Variants in TBC1D19 observed in about 807,000 individuals in gnomAD.
TBC1D19 encodes TBC1 domain family member 19.
Under a neutral mutation model 89.0 loss-of-function variants are expected in TBC1D19, and 60 were observed. The ratio of observed to expected loss-of-function variants is 0.67; its 90% confidence interval spans 0.55 to 0.84. The LOEUF is 0.84. Among genes scored for constraint, TBC1D19 ranks in the 40% least tolerant of loss-of-function variants. The pLI is 0.00. For missense variants in TBC1D19, 500 were observed against 610.8 expected (o/e 0.82, Z 1.91); for synonymous variants, 189 against 199.7 (o/e 0.95, Z 0.45).
the TBC1D19 span, among the ~76,000 whole-genome samples, chr4:26,796,217 A>G: frequency 3.9e-5 from 6 of 152,220 alleles, no homozygotes; most frequent in Non-Finnish European, 5.9e-5. Context: ...GAAAAAATAT[A>G]TATAGAATAA....
the TBC1D19 span, among the ~76,000 whole-genome samples, chr4:26,847,039 C>T: frequency 2.8e-3 from 424 of 152,278 alleles, 5 homozygotes; most frequent in Non-Finnish European, 1.9e-3. Context: ...ACCCATACAC[C>T]CATATGTGAA....
At chr4:26,842,853 G>C in the TBC1D19 span, among the ~76,000 whole-genome samples, 80 of 152,042 alleles carry the variant, frequency 5.3e-4, 2 homozygotes, top group South Asian at 4.1e-4. Flanking sequence ...ACACACATTT[G>C]TAACAGAGTA....
intron 16 of TBC1D19, among the ~76,000 whole-genome samples, chr4:26,739,161 C>G (rs994409348): frequency 1.3e-5 from 2 of 152,124 alleles, no homozygotes; most frequent in African/African-American, 4.8e-5. Context: ...GGTCGCCAAT[C>G]CAAGATTAGG....
intron 15 of TBC1D19, among the ~76,000 whole-genome samples, chr4:26,728,735 C>T (rs1189852832): frequency 6.6e-6 from 1 of 152,122 alleles, no homozygotes; most frequent in Non-Finnish European, 1.5e-5. Flanking sequence ...TACTATTGGC[C>T]GGGCGTGGTG....
chr4:26,688,291 A>T, intron 12 of TBC1D19, 54 bp from the exon 13 acceptor site: 1 of 1,534,374 alleles, frequency 6.5e-7, no homozygotes, highest in South Asian at 1.2e-5. Context: ...ATGCTTTAGT[A>T]CTACAGACAG....
the TBC1D19 span, among the ~76,000 whole-genome samples, chr4:26,767,529 G>A: frequency 1.3e-5 from 2 of 152,114 alleles, no homozygotes; most frequent in Non-Finnish European, 2.9e-5. Context: ...CCACCATGAT[G>A]GAACGTAGCT....
chr4:26,783,826 G>T, the TBC1D19 span, among the ~76,000 whole-genome samples: 3 of 152,122 alleles, frequency 2.0e-5, no homozygotes, highest in African/African-American at 7.2e-5. Context: ...CCCCTACAAT[G>T]CCTGGCAACC....
the TBC1D19 span, among the ~76,000 whole-genome samples, chr4:26,857,386 T>C: frequency 1.0e-3 from 153 of 152,308 alleles, no homozygotes; most frequent in African/African-American, 3.7e-3. Flanking sequence ...GCTGGGTCTG[T>C]CCCGACATTC....
intron 9 of TBC1D19, among the ~76,000 whole-genome samples, chr4:26,671,494 C>A (rs1712299382): frequency 6.6e-6 from 1 of 151,766 alleles, no homozygotes; most frequent in Non-Finnish European, 1.5e-5. Flanking sequence ...TTTTCGCTCT[C>A]TTAACAGTGC....
chr4:26,667,146 A>C (rs2109094350), intron 9 of TBC1D19, among the ~76,000 whole-genome samples: 2 of 152,112 alleles, frequency 1.3e-5, no homozygotes, highest in Middle Eastern at 6.8e-3. Context: ...ACCATTGGGC[A>C]CATACTATAT....
intron 1 of TBC1D19, among the ~76,000 whole-genome samples, chr4:26,611,415 T>C (rs537962228): frequency 3.9e-5 from 6 of 152,226 alleles, no homozygotes; most frequent in African/African-American, 1.2e-4. Context: ...TGGAGACCTT[T>C]CTTGTTGTAA....
At chr4:26,655,182 C>T (rs1004202194) in intron 7 of TBC1D19, among the ~76,000 whole-genome samples, 9 of 152,192 alleles carry the variant, frequency 5.9e-5, no homozygotes, top group Non-Finnish European at 8.8e-5. Context: ...AGCTGCGGAA[C>T]AGTAGATATT....
At chr4:26,719,568 TAC>T (rs1260032652) in intron 14 of TBC1D19, among the ~76,000 whole-genome samples, 1 of 152,100 alleles carries the variant, frequency 6.6e-6, no homozygotes, top group Non-Finnish European at 1.5e-5. Context: ...GAATATACTT[TAC>T]TTTTCTGGGA....
the TBC1D19 span, among the ~76,000 whole-genome samples, chr4:26,828,781 A>G: frequency 1.6e-4 from 24 of 152,364 alleles, no homozygotes; most frequent in Non-Finnish European, 3.4e-4. Flanking sequence ...ATTAACAAAT[A>G]CAAAGGACTT....
In TBC1D19 at chr4:26,634,653, C is replaced by G. The variant is rs529881061; in HGVS notation, c.295-2558C>G. Among the ~76,000 whole-genome samples, 4 of 152,160 alleles carry G rather than the reference C, an allele frequency of 2.6e-5. No homozygotes were observed. In the East Asian group the frequency reaches 7.7e-4, roughly 29 times the overall value. ...CATGTATAGTCTGAAAGTATATATA[C>G]GTTTTTAATAAAACTTAACTTTTTA... On this transcript the variant is annotated intron_variant, in intron 4 of 20. Coordinates refer to ENST00000264866, the MANE Select transcript of TBC1D19 (RefSeq NM_018317.4).
the TBC1D19 span, among the ~76,000 whole-genome samples, chr4:26,772,855 C>T: frequency 6.6e-6 from 1 of 152,162 alleles, no homozygotes; most frequent in Non-Finnish European, 1.5e-5. Context: ...TTTCTTTATC[C>T]AGTCTATCAT....
the TBC1D19 span, among the ~76,000 whole-genome samples, chr4:26,841,960 A>G: frequency 0.057 from 8,692 of 152,310 alleles, 629 homozygotes; most frequent in African/African-American, 0.17. Context: ...TTAGAGCAAT[A>G]TTAAATAGTG....
chr4:26,854,051 G>A, the TBC1D19 span, among the ~76,000 whole-genome samples: 2 of 152,108 alleles, frequency 1.3e-5, no homozygotes, highest in Non-Finnish European at 2.9e-5. Flanking sequence ...AACACGTCAA[G>A]ACAAACGCCT....
the TBC1D19 span, among the ~76,000 whole-genome samples, chr4:26,800,827 A>G: frequency 6.0e-5 from 9 of 150,092 alleles, no homozygotes; most frequent in African/African-American, 2.2e-4. Context: ...GTCTGTTCAT[A>G]TCCTTCGCCC....
Sources: gnomAD v4.1 joint callset for allele counts (sites outside exome capture counted in the v4.1 genomes callset) on GRCh38, gnomAD v4.1.1 for gene constraint, MANE v1.5 for transcripts, NCBI Gene and HGNC (gene_info 2026-07-23, HGNC 2026-07-21) for gene names.